Variants in COL23A1 observed in about 807,000 individuals in gnomAD.
The protein encoded by COL23A1 is collagen alpha-1(XXIII) chain.
Under a neutral mutation model 99.3 loss-of-function variants are expected in COL23A1, and 97 were observed. The ratio of observed to expected loss-of-function variants is 0.98; its 90% CI spans 0.83 to 1.16. COL23A1 has a LOEUF of 1.16. Ranked by LOEUF, COL23A1 falls within the 50% of genes most tolerant of loss-of-function variation. The pLI, the probability that COL23A1 is intolerant of heterozygous loss-of-function variation, is 0.00. For missense variants in COL23A1, 762 were observed against 757.4 expected (o/e 1.01, Z -0.07); for synonymous variants, 320 against 308.2 (o/e 1.04, Z -0.40).
chr5:178,565,659 C>A (rs547981033), intron 1 of COL23A1, among the ~76,000 whole-genome samples: 3 of 152,122 alleles, frequency 2.0e-5, no homozygotes, highest in Admixed American at 6.5e-5. Context: ...CTCCTGATAA[C>A]CCCCACGCGG....
intron 2 of COL23A1, among the ~76,000 whole-genome samples, chr5:178,356,434 AG>A (rs139170025): frequency 0.019 from 2,869 of 152,224 alleles, 42 homozygotes; most frequent in Non-Finnish European, 0.033. Flanking sequence ...TGTTTAAAAG[AG>A]GGGGCATTTG....
rs1213191641 is a variant in COL23A1 at position 178,384,369 on chromosome 5, T to G, written c.362-77450A>C. On this transcript the variant is annotated intron_variant, in intron 2 of 28. Coordinates refer to ENST00000390654, the MANE Select transcript of COL23A1 (RefSeq NM_173465.4). This position sits in a 1 kb window ranked among gnomAD's most constrained non-coding sequence, Gnocchi z 5.5. ...TTCACGAGGTGTTGGCTGCTCAGTC[T>G]TGACATGAGGTGAAGCCTCAGGAAA... is the stretch of plus-strand genomic sequence containing the variant. Among the ~76,000 whole-genome samples, 3 of 152,344 alleles carry G rather than the reference T, an allele frequency of 2.0e-5. No homozygotes were observed. The highest frequency in any genetic ancestry group is 4.1e-4 in the South Asian group (2 of 4,832).
Position 178,290,359 on chromosome 5 carries a change from T to C in COL23A1, c.414+3A>G, listed in dbSNP as rs1203305177. ...AGCAGACAGCACAGTCCAGGACACT[T>C]ACTGGAGGACCTGCAAAACACAAGC... On this transcript the variant is annotated splice_donor_region_variant and intron_variant, in intron 4 of 28. Transcript: ENST00000390654. 6.2e-6 allele frequency: 10 copies of C among 1,614,030 alleles called. No individual in the cohort carries two copies. Among genetic ancestry groups the C allele is most frequent in the Non-Finnish European group, 8.5e-6 (10 of 1,180,012 alleles).
At position 178,249,195 on chromosome 5, in the gene COL23A1, T is replaced by C. The variant is rs776295847; in HGVS notation, c.1071A>G (p.Gly357=). ...PGIDGEKGPK[G]QKGDPGEPGP... ...CAGGCTCTCCTGGGTCTCCTTTCTG[T>C]CCTTTGGGGCCCTGAAAGCCATAAG... is the stretch of plus-strand genomic sequence containing the variant. Residue 357 remains glycine (G), a synonymous_variant, in exon 19 of 29, where the codon GGA becomes GGG. Coordinates refer to ENST00000390654, the MANE Select transcript of COL23A1 (RefSeq NM_173465.4). 6.2e-7 allele frequency: 1 copy of C among 1,614,192 alleles called. No individual in the cohort carries two copies. Among genetic ancestry groups the C allele is most frequent in the South Asian group, 1.1e-5 (1 of 91,080 alleles).
intron 2 of COL23A1, among the ~76,000 whole-genome samples, chr5:178,357,660 C>G (rs1177399800): frequency 1.3e-5 from 2 of 152,178 alleles, no homozygotes; most frequent in Non-Finnish European, 2.9e-5. Context: ...ATTTACCCAT[C>G]AGCTGAAATT....
chr5:178,449,718 G>A (rs1019382099), intron 2 of COL23A1, among the ~76,000 whole-genome samples: 1 of 151,796 alleles, frequency 6.6e-6, no homozygotes, highest in Admixed American at 6.6e-5. Context: ...AGTGGCCCGA[G>A]ACACAGCAGA....
chr5:178,272,929 C>G (rs965901071), intron 5 of COL23A1, among the ~76,000 whole-genome samples: 1 of 152,194 alleles, frequency 6.6e-6, no homozygotes, highest in Non-Finnish European at 1.5e-5. Context: ...CTGTAAGGTA[C>G]GTGTCATCAT....
At chr5:178,419,901 C>G (rs1173803210) in intron 2 of COL23A1, among the ~76,000 whole-genome samples, 1 of 152,196 alleles carries the variant, frequency 6.6e-6, no homozygotes, top group Non-Finnish European at 1.5e-5. Context: ...CTTTCTGTAC[C>G]GCACCTCTGA....
chr5:178,394,244 T>A (rs1764113223), intron 2 of COL23A1, among the ~76,000 whole-genome samples: 1 of 152,216 alleles, frequency 6.6e-6, no homozygotes, highest in African/African-American at 2.4e-5. Context: ...GCAGGTCCGG[T>A]ACAGGTTTAA....
chr5:178,589,760 C>T lies in COL23A1; in HGVS notation c.294+144G>A. 7.3e-6 allele frequency: 6 copies of T among 817,726 alleles called. No individual in the cohort carries two copies. The highest frequency in any genetic ancestry group is 9.8e-6 in the Non-Finnish European group (6 of 614,018). 50.7% of individuals were successfully genotyped at this position (817,726 alleles called of 1,614,324 possible). A position where few individuals can be genotyped will look rare whatever the true frequency, so the allele number is the denominator to read the frequency against. On this transcript the variant is annotated intron_variant, in intron 1 of 28. Coordinates refer to ENST00000390654, the MANE Select transcript of COL23A1 (RefSeq NM_173465.4). This position sits in a 1 kb window ranked among gnomAD's most constrained non-coding sequence, Gnocchi z 5.4. ...TGCCTCCGCCTTGGCGCAGACGTGC[C>T]CATCTCTGGGACGGCCCCGAGCGCA... is the stretch of plus-strand genomic sequence containing the variant.
At chr5:178,388,244 G>A (rs754035872) in intron 2 of COL23A1, among the ~76,000 whole-genome samples, 15 of 152,198 alleles carry the variant, frequency 9.9e-5, no homozygotes, top group Admixed American at 2.0e-4. Flanking sequence ...TGCTTTTAGC[G>A]CTAGTCCTGA....
At chr5:178,284,686 G>A (rs1437284934) in intron 5 of COL23A1, among the ~76,000 whole-genome samples, 1 of 151,904 alleles carries the variant, frequency 6.6e-6, no homozygotes, top group Non-Finnish European at 1.5e-5. Context: ...ATGATATATC[G>A]GATCAAATAC....
chr5:178,322,623 G>A (rs1208746818), intron 2 of COL23A1, among the ~76,000 whole-genome samples: 1 of 151,520 alleles, frequency 6.6e-6, no homozygotes, highest in Non-Finnish European at 1.5e-5. Context: ...CCCCTCTCCA[G>A]GTCATGTGAA....
At chr5:178,551,704 C>T (rs1762012220) in intron 2 of COL23A1, among the ~76,000 whole-genome samples, 1 of 152,154 alleles carries the variant, frequency 6.6e-6, no homozygotes, top group Non-Finnish European at 1.5e-5. Flanking sequence ...TGGCACCGTG[C>T]TGGATTTAGG....
chr5:178,427,207 A>T (rs1018610670), intron 2 of COL23A1, among the ~76,000 whole-genome samples: 2 of 152,164 alleles, frequency 1.3e-5, no homozygotes, highest in African/African-American at 4.8e-5. Flanking sequence ...AAATAATAAT[A>T]ATGATGATGA....
At chr5:178,527,811 T>C (rs1456219706) in intron 2 of COL23A1, among the ~76,000 whole-genome samples, 2 of 152,240 alleles carry the variant, frequency 1.3e-5, no homozygotes, top group Non-Finnish European at 2.9e-5. Context: ...GGAAGCCTGA[T>C]GGGCTTGGCC....
chr5:178,277,457 T>C (rs1387715295), intron 5 of COL23A1, among the ~76,000 whole-genome samples: 2 of 152,250 alleles, frequency 1.3e-5, no homozygotes, highest in Non-Finnish European at 2.9e-5. Context: ...AGTTTGGGCT[T>C]TTCTTGAAAA....
intron 2 of COL23A1, among the ~76,000 whole-genome samples, chr5:178,470,555 G>A (rs1031362317): frequency 1.3e-5 from 2 of 152,110 alleles, no homozygotes; most frequent in Non-Finnish European, 2.9e-5. Flanking sequence ...CTAAATCTAA[G>A]CTCATTAACA....
chr5:178,354,701 C>T (rs191828969), intron 2 of COL23A1, among the ~76,000 whole-genome samples: 1 of 152,222 alleles, frequency 6.6e-6, no homozygotes, highest in Non-Finnish European at 1.5e-5. Context: ...CCTGAGGCCT[C>T]CCCAGAAGCA....
Sources: gnomAD v4.1 joint callset for allele counts (sites outside exome capture counted in the v4.1 genomes callset) on GRCh38, gnomAD v4.1.1 for gene constraint, Gnocchi (gnomAD v3.1) non-coding constraint, MANE v1.5 for transcripts, NCBI Gene and HGNC (gene_info 2026-07-23, HGNC 2026-07-21) for gene names.